SLC35F4: variants seen among roughly 807,000 people sequenced by gnomAD.
The protein encoded by SLC35F4 is solute carrier family 35 member F4, also known as chromosome 14 open reading frame 36.
In SLC35F4, 24 loss-of-function variants were observed where a neutral mutation model predicts 44.2. The observed-to-expected ratio is 0.54, with a 90% confidence interval of 0.39 to 0.76. The LOEUF (loss-of-function observed/expected upper bound fraction) is 0.76, where lower values mean the gene tolerates loss of function less well. SLC35F4 is among the 30% of genes least tolerant of loss of function. The probability of loss-of-function intolerance (pLI) is 0.00; values close to 1 mark genes in which losing one functional copy is unlikely to be tolerated. For missense variants in SLC35F4, 562 were observed against 586.1 expected (o/e 0.96, Z 0.42); for synonymous variants, 238 against 223.6 (o/e 1.06, Z -0.57).
At chr14:57,755,419 A>T (rs907307235) in intron 1 of SLC35F4, among the ~76,000 whole-genome samples, 3 of 152,220 alleles carry the variant, frequency 2.0e-5, no homozygotes, top group African/African-American at 7.2e-5. Context: ...GGCCTATTTT[A>T]AATGATGGTC....
chr14:57,663,698 G>T (rs1174490241), intron 1 of SLC35F4, among the ~76,000 whole-genome samples: 1 of 152,156 alleles, frequency 6.6e-6, no homozygotes, highest in Non-Finnish European at 1.5e-5. Flanking sequence ...AGAGCCACAG[G>T]TAACTAAAAT....
intron 1 of SLC35F4, among the ~76,000 whole-genome samples, chr14:57,767,469 C>T (rs967120486): frequency 1.3e-5 from 2 of 151,846 alleles, no homozygotes; most frequent in Non-Finnish European, 2.9e-5. Flanking sequence ...GAGACAGTCT[C>T]GAAGAAACTT....
intron 1 of SLC35F4, among the ~76,000 whole-genome samples, chr14:57,608,737 T>G (rs2071307062): frequency 7.1e-6 from 1 of 141,834 alleles, no homozygotes; most frequent in Non-Finnish European, 1.5e-5. Flanking sequence ...AACCCAGTAA[T>G]TAAAAGGATA....
intron 1 of SLC35F4, among the ~76,000 whole-genome samples, chr14:57,635,286 C>T (rs919871032): frequency 1.3e-5 from 2 of 149,594 alleles, no homozygotes; most frequent in Non-Finnish European, 3.0e-5. Flanking sequence ...GCTTTTGCAA[C>T]TGGGTGGATG....
chr14:57,945,366 C>G (rs761213327), intron 1 of SLC35F4, among the ~76,000 whole-genome samples: 4 of 151,496 alleles, frequency 2.6e-5, no homozygotes, highest in African/African-American at 4.9e-5. Context: ...AATGAATTCC[C>G]CCTGCAATAC....
chr14:57,887,167 G>T (rs542909415), intron 1 of SLC35F4, among the ~76,000 whole-genome samples: 1 of 152,306 alleles, frequency 6.6e-6, no homozygotes, highest in South Asian at 2.1e-4. Context: ...TTTACATGAA[G>T]GGAGGCCCAC....
intron 1 of SLC35F4, chr14:57,799,396 GACCTAGGAGTTTT>G (rs533885058): frequency 1.4e-4 from 21 of 152,466 alleles, no homozygotes; most frequent in African/African-American, 4.8e-4. Flanking sequence ...CATACACAGA[GACCTAGGAGTTTT>G]ACCTGTTCTG....
intron 1 of SLC35F4, chr14:57,630,608 A>C: frequency 1.2e-6 from 1 of 843,232 alleles, no homozygotes; most frequent in East Asian, 2.6e-5. Context: ...CTAGATCCAA[A>C]TCTCAGTCAA....
At chr14:57,743,004 A>C (rs1327718027) in intron 1 of SLC35F4, among the ~76,000 whole-genome samples, 1 of 152,196 alleles carries the variant, frequency 6.6e-6, no homozygotes, top group African/African-American at 2.4e-5. Context: ...GGCAGAAATA[A>C]AGATGTTCTT....
chr14:57,768,944 G>A lies in SLC35F4; in HGVS notation c.103+96779C>T, dbSNP rs1827420048. ...ATTTTTGTATTTTTAGTAGCGATAG[G>A]GTTTCACCATGTTGGCCAGGCTGGT... is the stretch of plus-strand genomic sequence containing the variant. On this transcript the variant is annotated intron_variant, in intron 1 of 7. Coordinates refer to ENST00000556826, the MANE Select transcript of SLC35F4 (RefSeq NM_001306087.2). Among the ~76,000 whole-genome samples, 3 of 151,982 alleles carry A rather than the reference G, an allele frequency of 2.0e-5. No individual in the cohort carries two copies. In the South Asian group the frequency reaches 6.2e-4, roughly 32 times the overall value.
intron 1 of SLC35F4, among the ~76,000 whole-genome samples, chr14:57,803,757 T>A (rs1595103350): frequency 6.6e-6 from 1 of 152,050 alleles, no homozygotes; most frequent in Middle Eastern, 3.4e-3. Context: ...GCTTGGCTAA[T>A]TTTTGTATTG....
chr14:57,920,079 G>A (rs1177666989), intron 1 of SLC35F4, among the ~76,000 whole-genome samples: 3 of 152,092 alleles, frequency 2.0e-5, no homozygotes, highest in Non-Finnish European at 4.4e-5. Flanking sequence ...ATATATGCAC[G>A]TTGTTTCCTT....
At chr14:57,889,719 A>T (rs773153079) in intron 1 of SLC35F4, among the ~76,000 whole-genome samples, 6 of 152,226 alleles carry the variant, frequency 3.9e-5, no homozygotes, top group Non-Finnish European at 5.9e-5. Context: ...CCTAGTACAC[A>T]TTGTGTCATA....
intron 1 of SLC35F4, among the ~76,000 whole-genome samples, chr14:57,709,168 A>G (rs2075754805): frequency 6.6e-6 from 1 of 152,044 alleles, no homozygotes; most frequent in Non-Finnish European, 1.5e-5. Context: ...AGACTCCCCC[A>G]GGGAAAGGGA....
At chr14:57,669,645 A>C (rs1178914449) in intron 1 of SLC35F4, among the ~76,000 whole-genome samples, 1 of 152,024 alleles carries the variant, frequency 6.6e-6, no homozygotes, top group East Asian at 1.9e-4. Flanking sequence ...ATTGATTTGC[A>C]TCTGTTGAAC....
Position 57,600,701 on chromosome 14 carries a change from A to AC in SLC35F4, c.104-6578_104-6577insG, listed in dbSNP as rs1321253779. 1.4e-5 allele frequency among the ~76,000 whole-genome samples: 2 copies of AC among 141,740 alleles called. 1 individual carries two copies. The highest frequency in any genetic ancestry group is 3.9e-4 in the East Asian group (2 of 5,132). The allele number at this position is 141,740 out of a possible 152,430, so 93.0% of individuals were successfully genotyped here. ...AGCAAGACTCCATCTCAAAAAAAAA[A>AC]AAAAAAAAAAAAAAAAAACCAAAAA... On this transcript the variant is annotated intron_variant, in intron 1 of 7. Coordinates refer to ENST00000556826, the MANE Select transcript of SLC35F4 (RefSeq NM_001306087.2).
chr14:57,835,546 G>T (rs1189414577), intron 1 of SLC35F4, among the ~76,000 whole-genome samples: 1 of 152,008 alleles, frequency 6.6e-6, no homozygotes, highest in Non-Finnish European at 1.5e-5. Context: ...AGAACAATAC[G>T]CAAAATGTGA....
chr14:57,622,381 C>A (rs79614936), intron 1 of SLC35F4, among the ~76,000 whole-genome samples: 95,996 of 140,034 alleles, frequency 0.69, 33,851 homozygotes, highest in Non-Finnish European at 0.77. Context: ...ATGTTTATTG[C>A]GGCACTATTC....
At chr14:57,832,511 A>G (rs1032607246) in intron 1 of SLC35F4, among the ~76,000 whole-genome samples, 7 of 152,216 alleles carry the variant, frequency 4.6e-5, no homozygotes. Flanking sequence ...TCTTGTTACA[A>G]AAAGAAGTAA....
Sources: allele counts gnomAD v4.1 joint callset (sites outside exome capture counted in the v4.1 genomes callset), GRCh38; gene constraint gnomAD v4.1.1; transcripts MANE v1.5; gene names NCBI Gene and HGNC (gene_info 2026-07-23, HGNC 2026-07-21).